The following GTF2A1L variants were observed in gnomAD, a reference collection of about 807,000 sequenced individuals.
The protein encoded by GTF2A1L is general transcription factor IIA subunit 1 like.
GTF2A1L carries 48 observed loss-of-function variants against 49.7 expected under a neutral mutation model. The observed-to-expected ratio is 0.97, with a 90% confidence interval of 0.77 to 1.23. The LOEUF (loss-of-function observed/expected upper bound fraction) is 1.23, where lower values mean the gene tolerates loss of function less well. Among genes scored for constraint, GTF2A1L ranks in the 50% most tolerant of loss-of-function variants. The probability of loss-of-function intolerance (pLI) is 0.00; values close to 1 mark genes in which losing one functional copy is unlikely to be tolerated. For missense variants in GTF2A1L, 736 were observed against 564.8 expected, an observed-to-expected ratio of 1.30 and a Z score of -3.07; for synonymous variants, 246 against 193.5, an observed-to-expected ratio of 1.27 and a Z score of -2.25.
chr2:48,644,761 T>C (rs972460261), intron 4 of GTF2A1L, among the ~76,000 whole-genome samples: 6 of 152,320 alleles, frequency 3.9e-5, no homozygotes, highest in African/African-American at 1.4e-4. Flanking sequence ...AAGCTATGTC[T>C]TGGGCAAGTT....
rs764234854 is a variant in GTF2A1L at position 48,631,616 on chromosome 2, C to T, written c.247+10326C>T. Among the ~76,000 whole-genome samples, 6 of 152,092 alleles carry T rather than the reference C, an allele frequency of 3.9e-5. No homozygotes were observed. The South Asian group carries it at 1.2e-3, about 31-fold the overall frequency. On this transcript the variant is annotated intron_variant, in intron 3 of 8. Coordinates refer to ENST00000403751, the MANE Select transcript of GTF2A1L (RefSeq NM_006872.5). ...TTTTTTCCCCCTTAATGATCACTGT[C>T]AGAAAATCATTGATTCTTTGTATGG... is the stretch of plus-strand genomic sequence containing the variant.
intron 6 of GTF2A1L, among the ~76,000 whole-genome samples, chr2:48,662,650 ATC>A (rs1401295558): frequency 3.2e-5 from 4 of 124,130 alleles, no homozygotes; most frequent in Admixed American, 2.5e-4. Context: ...ATCTTGGTTG[ATC>A]TTTTTTTTTT....
intron 5 of GTF2A1L, among the ~76,000 whole-genome samples, chr2:48,645,713 A>G (rs951165237): frequency 6.6e-6 from 1 of 152,158 alleles, no homozygotes; most frequent in African/African-American, 2.4e-5. Flanking sequence ...CAGTGGCGCA[A>G]TCTCTGCTCA....
At chr2:48,634,816 C>G (rs1387049861) in intron 3 of GTF2A1L, among the ~76,000 whole-genome samples, 1 of 152,164 alleles carries the variant, frequency 6.6e-6, no homozygotes, top group African/African-American at 2.4e-5. Flanking sequence ...TTTTCTCTAG[C>G]TGCCTCTAAG....
rs571797399 is a variant in GTF2A1L at position 48,655,044 on chromosome 2, A to G, written c.978+8002A>G. Among the ~76,000 whole-genome samples, 3 of 152,310 alleles carry G rather than the reference A, an allele frequency of 2.0e-5. No individual in the cohort carries two copies. The East Asian group carries it at 5.8e-4, about 29-fold the overall frequency. ...TCAATTTCTAAAAAGAAAAATTGCTAAGACTGATTTGGGTTTGTGTTGAAT... is the reference window on the plus strand; with the variant it reads ...TCAATTTCTAAAAAGAAAAATTGCTGAGACTGATTTGGGTTTGTGTTGAAT... On this transcript the variant is annotated intron_variant, in intron 6 of 8. Coordinates refer to ENST00000403751, the MANE Select transcript of GTF2A1L (RefSeq NM_006872.5).
In GTF2A1L at chr2:48,624,308, GTAA is replaced by G. The variant is rs1336872036; in HGVS notation, c.247+3023_247+3025del. On this transcript the variant is annotated intron_variant, in intron 3 of 8. Transcript: ENST00000403751. Reference sequence around the variant, plus strand: ...TTAACATAATAGCATATATTTATGAGTAATAATTCTTCGAGAACAAAAATATTT... The same window carrying G: ...TTAACATAATAGCATATATTTATGAGTAATTCTTCGAGAACAAAAATATTT... Among the ~76,000 whole-genome samples, 2 of 144,460 alleles carry G rather than the reference GTAA, an allele frequency of 1.4e-5. 1 individual carries two copies. The highest frequency in any genetic ancestry group is 3.1e-5 in the Non-Finnish European group (2 of 64,122). 94.8% of individuals were successfully genotyped at this position (144,460 alleles called of 152,430 possible).
At chr2:48,650,970 C>T (rs1677812681) in intron 6 of GTF2A1L, among the ~76,000 whole-genome samples, 1 of 152,080 alleles carries the variant, frequency 6.6e-6, no homozygotes, top group East Asian at 1.9e-4. Flanking sequence ...ATATTTATCC[C>T]CACATATGGG....
Position 48,668,837 on chromosome 2 carries a change from A to AAAATAAATAAAT in GTF2A1L, c.979-867_979-856dup, listed in dbSNP as rs10529379. Among the ~76,000 whole-genome samples, 898 of 150,430 alleles carry AAAATAAATAAAT rather than the reference A, an allele frequency of 6.0e-3. 14 individuals carry two copies. The highest frequency in any genetic ancestry group is 0.021 in the African/African-American group (859 of 40,544). ...GCGACAGAGCGAGACCCCGCCTCAA[A>AAAATAAATAAAT]AAATAAATAAATAAATAAATAAATA... On this transcript the variant is annotated intron_variant, in intron 6 of 8. Transcript: ENST00000403751.
chr2:48,649,090 G>C (rs1677701294), intron 6 of GTF2A1L, among the ~76,000 whole-genome samples: 1 of 152,092 alleles, frequency 6.6e-6, no homozygotes, highest in Non-Finnish European at 1.5e-5. Flanking sequence ...ATATATTCTT[G>C]ATAGCTTTTA....
intron 3 of GTF2A1L, among the ~76,000 whole-genome samples, chr2:48,633,532 C>A (rs1053469121): frequency 6.6e-6 from 1 of 152,112 alleles, no homozygotes; most frequent in African/African-American, 2.4e-5. Flanking sequence ...TTTTTTTGAA[C>A]TTATTGAGAT....
intron 3 of GTF2A1L, among the ~76,000 whole-genome samples, chr2:48,631,121 C>T (rs184648026): frequency 4.5e-4 from 68 of 152,076 alleles, no homozygotes; most frequent in African/African-American, 1.3e-3. Flanking sequence ...ATAAAGGCGA[C>T]GCTGGCTTCA....
intron 6 of GTF2A1L, among the ~76,000 whole-genome samples, chr2:48,647,632 A>G (rs1425179341): frequency 6.6e-6 from 1 of 151,506 alleles, no homozygotes; most frequent in African/African-American, 2.4e-5. Context: ...CTATATGGAA[A>G]CTTTTCCCTA....
At position 48,653,594 on chromosome 2, in the gene GTF2A1L, A is replaced by G. The variant is rs541980393; in HGVS notation, c.978+6552A>G. On this transcript the variant is annotated intron_variant, in intron 6 of 8. Coordinates refer to ENST00000403751, the MANE Select transcript of GTF2A1L (RefSeq NM_006872.5). ...ATATTCCATTGTATGGTTATACCAC[A>G]TTTATTTACCAGTTTGACATTTGGG... Among the ~76,000 whole-genome samples, 22 of 152,324 alleles carry G rather than the reference A, an allele frequency of 1.4e-4. 2 individuals are homozygous for G. The highest frequency in any genetic ancestry group is 5.3e-4 in the African/African-American group (22 of 41,570).
intron 6 of GTF2A1L, among the ~76,000 whole-genome samples, chr2:48,664,907 G>T (rs935888057): frequency 6.6e-6 from 1 of 151,766 alleles, no homozygotes; most frequent in African/African-American, 2.4e-5. Context: ...TCGTGCTAGA[G>T]GTTTTTCTAT....
chr2:48,676,384 G>GTTA (rs1679467570), intron 8 of GTF2A1L, among the ~76,000 whole-genome samples: 1 of 151,732 alleles, frequency 6.6e-6, no homozygotes, highest in African/African-American at 2.4e-5. Flanking sequence ...TGGGTCAAAG[G>GTTA]GCAAATGTAC....
At chr2:48,636,909 A>T (rs1398897889) in intron 3 of GTF2A1L, among the ~76,000 whole-genome samples, 1 of 152,140 alleles carries the variant, frequency 6.6e-6, no homozygotes, top group Non-Finnish European at 1.5e-5. Context: ...ATGTCACATG[A>T]TCTTTTTAAA....
At chr2:48,667,023 G>T (rs973725808) in intron 6 of GTF2A1L, among the ~76,000 whole-genome samples, 1 of 151,918 alleles carries the variant, frequency 6.6e-6, no homozygotes, top group Non-Finnish European at 1.5e-5. Context: ...GAGTGCTGTG[G>T]TGCAATCACA....
intron 4 of GTF2A1L, among the ~76,000 whole-genome samples, chr2:48,644,519 T>C (rs1341241878): frequency 1.3e-5 from 2 of 152,234 alleles, no homozygotes; most frequent in African/African-American, 4.8e-5. Flanking sequence ...TATGTCTGTG[T>C]GTTTCTGTGA....
At chr2:48,672,609 A>G (rs1679231385) in intron 8 of GTF2A1L, among the ~76,000 whole-genome samples, 1 of 152,112 alleles carries the variant, frequency 6.6e-6, no homozygotes, top group Admixed American at 6.5e-5. Flanking sequence ...TCATTAGTTG[A>G]AGGTGTCTCT....
Sources: allele counts gnomAD v4.1 joint callset (sites outside exome capture counted in the v4.1 genomes callset), GRCh38; gene constraint gnomAD v4.1.1; transcripts MANE v1.5; gene names NCBI Gene and HGNC (gene_info 2026-07-23, HGNC 2026-07-21).